LYN: variants seen among roughly 807,000 people sequenced by gnomAD.
LYN encodes LYN proto-oncogene, Src family tyrosine kinase, also known as tyrosine-protein kinase Lyn.
LYN carries 12 observed loss-of-function variants against 65.0 expected under a neutral mutation model. The observed-to-expected ratio is 0.18, with a 90% CI of 0.12 to 0.30. The LOEUF is 0.30. LYN is among the 10% of genes least tolerant of loss of function. LYN has a pLI of 1.00. For synonymous variants in LYN, 222 were observed against 221.2 expected (o/e 1.00, Z -0.03); for missense variants, 380 against 623.2 (o/e 0.61, Z 4.16).
rs530643496 is a variant in LYN at position 55,999,554 on chromosome 8, G to C, written c.1336+5G>C. ...ATGGGAAAATTCCCTACCCAGGTATGGTTTACTTAGCTATTTACAATCAAG... is the reference window on the plus strand; with the variant it reads ...ATGGGAAAATTCCCTACCCAGGTATCGTTTACTTAGCTATTTACAATCAAG... On this transcript the variant is annotated splice_donor_5th_base_variant and intron_variant, in intron 12 of 12. Coordinates refer to ENST00000519728, the MANE Select transcript of LYN (RefSeq NM_002350.4). 1.1e-5 allele frequency: 18 copies of C among 1,613,274 alleles called. No homozygotes were observed. The South Asian group carries it at 1.6e-4, about 15-fold the overall frequency.
chr8:55,980,172 T>G (rs1030515972), intron 10 of LYN: 1 of 152,158 alleles, frequency 6.6e-6, no homozygotes, highest in Admixed American at 6.6e-5. Context: ...AAAATAGATC[T>G]CCCTCCTCCA....
chr8:56,006,011 G>A (rs1408329662), intron 12 of LYN, among the ~76,000 whole-genome samples: 3 of 152,056 alleles, frequency 2.0e-5, no homozygotes, highest in African/African-American at 4.8e-5. Context: ...CCGAGCCCAG[G>A]GAGTTTGAGG....
intron 1 of LYN, among the ~76,000 whole-genome samples, chr8:55,908,979 C>T: frequency 1.2e-5 from 1 of 81,990 alleles, no homozygotes; most frequent in Non-Finnish European, 2.4e-5. Flanking sequence ...AATGGTATTC[C>T]ATTGTGTATG....
chr8:55,981,514 T>A (rs1199969600), intron 10 of LYN, among the ~76,000 whole-genome samples: 1 of 152,192 alleles, frequency 6.6e-6, no homozygotes, highest in African/African-American at 2.4e-5. Flanking sequence ...ATTTTTTGTG[T>A]GTTTAAAAAA....
intron 1 of LYN, among the ~76,000 whole-genome samples, chr8:55,927,694 G>A (rs1806146252): frequency 6.6e-6 from 1 of 152,116 alleles, no homozygotes; most frequent in African/African-American, 2.4e-5. Context: ...AATTAGCTGT[G>A]TGTGGTGGCG....
At chr8:55,942,317 A>ATATG (rs781539680) in intron 2 of LYN, among the ~76,000 whole-genome samples, 1 of 136,876 alleles carries the variant, frequency 7.3e-6, no homozygotes, top group African/African-American at 2.9e-5. Flanking sequence ...ATGTGTATAT[A>ATATG]TGTATATATA....
chr8:55,880,488 C>T (rs1223558543), intron 1 of LYN, among the ~76,000 whole-genome samples: 13 of 152,114 alleles, frequency 8.5e-5, no homozygotes, highest in Non-Finnish European at 1.9e-4. Context: ...AGTGGGGAAG[C>T]CGCTGCCCTT....
intron 1 of LYN, among the ~76,000 whole-genome samples, chr8:55,909,968 GTTGT>G (rs1459469039): frequency 2.4e-5 from 3 of 127,182 alleles, no homozygotes; most frequent in East Asian, 2.7e-4. Flanking sequence ...TTTTAATGGG[GTTGT>G]TTGTGTGTGT....
intron 10 of LYN, among the ~76,000 whole-genome samples, chr8:55,996,767 T>C (rs376071735): frequency 3.3e-5 from 5 of 152,258 alleles, no homozygotes; most frequent in African/African-American, 1.2e-4. Flanking sequence ...CAACGAGTAG[T>C]AGTTTTGCCT....
Position 56,011,242 on chromosome 8 carries a change from C to T in LYN, c.*1132C>T, listed in dbSNP as rs1031453169. ...AAGCCACGGTGGCAGGAGGTTCAAG[C>T]GGTTCTGTTCACTAAATTTTTCTCC... On this transcript the variant is annotated 3_prime_UTR_variant, in exon 13 of 13. Transcript: ENST00000519728. 10 of 225,858 alleles carry T rather than the reference C, an allele frequency of 4.4e-5. No homozygotes were observed. The highest frequency in any genetic ancestry group is 6.7e-5 in the African/African-American group (3 of 44,922). 14.0% of individuals were successfully genotyped at this position (225,858 alleles called of 1,614,324 possible).
chr8:55,969,935 C>T lies in LYN; in HGVS notation c.1050+142C>T, dbSNP rs150529168. 1.3e-5 allele frequency: 9 copies of T among 701,348 alleles called. No individual in the cohort carries two copies. In the East Asian group the frequency reaches 2.3e-4, roughly 18 times the overall value. The allele number at this position is 701,348 out of a possible 1,614,324, so 43.4% of individuals were successfully genotyped here. ...GCAGTTATGAGAAAAAGACCTTCCACAATACAATTCTTGGAGATAGTAATA... is the reference window on the plus strand; with the variant it reads ...GCAGTTATGAGAAAAAGACCTTCCATAATACAATTCTTGGAGATAGTAATA... On this transcript the variant is annotated intron_variant, in intron 10 of 12. Transcript: ENST00000519728.
At chr8:55,979,861 G>A (rs943101318) in intron 10 of LYN, among the ~76,000 whole-genome samples, 1 of 152,224 alleles carries the variant, frequency 6.6e-6, no homozygotes, top group Non-Finnish European at 1.5e-5. Flanking sequence ...GGGGCTGCCA[G>A]AGGGCCGCCC....
intron 10 of LYN, among the ~76,000 whole-genome samples, chr8:55,972,023 G>A (rs551488631): frequency 3.7e-4 from 56 of 152,246 alleles, no homozygotes; most frequent in Admixed American, 1.0e-3. Context: ...GGCAATCAAG[G>A]TCGGCACCAG....
At chr8:56,000,789 TTA>T (rs1449593233) in intron 12 of LYN, among the ~76,000 whole-genome samples, 1 of 151,288 alleles carries the variant, frequency 6.6e-6, no homozygotes, top group Non-Finnish European at 1.5e-5. Context: ...ATATTTTCAT[TTA>T]TGTTTGACTA....
At chr8:55,986,600 T>C (rs1395875085) in intron 10 of LYN, among the ~76,000 whole-genome samples, 1 of 152,208 alleles carries the variant, frequency 6.6e-6, no homozygotes, top group Non-Finnish European at 1.5e-5. Context: ...GCTGACAGAT[T>C]GACTAGATTT....
chr8:55,985,053 C>T (rs113864571), intron 10 of LYN, among the ~76,000 whole-genome samples: 120 of 152,254 alleles, frequency 7.9e-4, no homozygotes, highest in Non-Finnish European at 1.2e-3. Context: ...CTTCAATAGT[C>T]GGGAAACACT....
chr8:55,946,599 A>G, intron 3 of LYN, 106 bp downstream of exon 3: 1 of 754,104 alleles, frequency 1.3e-6, no homozygotes, highest in Non-Finnish European at 2.3e-6. Context: ...TGGGACATAT[A>G]TAACATAAAA....
At chr8:55,908,909 A>G in intron 1 of LYN, among the ~76,000 whole-genome samples, 1 of 150,644 alleles carries the variant, frequency 6.6e-6, no homozygotes, top group Non-Finnish European at 1.5e-5. Flanking sequence ...GCTGCAAAAT[A>G]CATAATTTTA....
chr8:55,976,344 A>AGAAG (rs1444401019), intron 10 of LYN, among the ~76,000 whole-genome samples: 3 of 147,760 alleles, frequency 2.0e-5, no homozygotes, highest in South Asian at 4.2e-4. Context: ...AAAAAAAAAA[A>AGAAG]GAAGGAAGGA....
Sources: allele counts gnomAD v4.1 joint callset (sites outside exome capture counted in the v4.1 genomes callset), GRCh38; gene constraint gnomAD v4.1.1; transcripts MANE v1.5; gene names NCBI Gene and HGNC (gene_info 2026-07-23, HGNC 2026-07-21).